Variants in MACROD2 observed in about 807,000 individuals in gnomAD.
The protein encoded by MACROD2 is mono-ADP ribosylhydrolase 2.
In MACROD2, 36 loss-of-function variants were observed where a neutral mutation model predicts 70.4. The observed-to-expected ratio is 0.51, with a 90% CI of 0.39 to 0.68. The LOEUF is 0.68. Ranked by LOEUF, MACROD2 falls within the 30% of genes least tolerant of loss-of-function variation. The pLI is 0.00. For synonymous variants in MACROD2, 172 were observed against 178.8 expected (o/e 0.96, Z 0.30); for missense variants, 496 against 538.4 (o/e 0.92, Z 0.78).
At position 15,244,760 on chromosome 20, in the gene MACROD2, A is replaced by T. The variant is rs185172719; in HGVS notation, c.540+14699A>T. Among the ~76,000 whole-genome samples, 13 of 152,352 alleles carry T rather than the reference A, an allele frequency of 8.5e-5. No individual in the cohort carries two copies. The East Asian group carries it at 2.3e-3, about 27-fold the overall frequency. On this transcript the variant is annotated intron_variant, in intron 6 of 17. Coordinates refer to ENST00000684519, the MANE Select transcript of MACROD2 (RefSeq NM_001351661.2). ...CCCTAGTACAACATTTTTTTAAATT[A>T]TGGGTAATTAAAAACTTCCATATTT... is the stretch of plus-strand genomic sequence containing the variant.
intron 6 of MACROD2, among the ~76,000 whole-genome samples, chr20:15,342,299 A>G (rs2078118706): frequency 6.6e-6 from 1 of 152,214 alleles, no homozygotes; most frequent in African/African-American, 2.4e-5. Context: ...TAGAGCAGGC[A>G]TTGTTAATTT....
chr20:14,132,799 T>G (rs2054735041), intron 3 of MACROD2, among the ~76,000 whole-genome samples: 1 of 152,080 alleles, frequency 6.6e-6, no homozygotes, highest in African/African-American at 2.4e-5. Flanking sequence ...CCACTGTGCC[T>G]GGCTAATTAT....
intron 5 of MACROD2, among the ~76,000 whole-genome samples, chr20:14,976,582 A>G (rs2074741699): frequency 6.6e-6 from 1 of 152,166 alleles, no homozygotes; most frequent in South Asian, 2.1e-4. Context: ...ATAAGGTGAC[A>G]TTCACAGAGT....
intron 8 of MACROD2, among the ~76,000 whole-genome samples, chr20:15,629,267 C>T (rs2049252696): frequency 6.6e-6 from 1 of 152,214 alleles, no homozygotes; most frequent in Non-Finnish European, 1.5e-5. Context: ...CTGTTAATAT[C>T]AGACCTTGTT....
At chr20:15,037,831 A>G (rs1479594492) in intron 5 of MACROD2, among the ~76,000 whole-genome samples, 2 of 152,178 alleles carry the variant, frequency 1.3e-5, no homozygotes, top group Admixed American at 6.5e-5. Flanking sequence ...TAAATGAATT[A>G]CAATTAGACA....
At chr20:15,507,435 C>T (rs939851039) in intron 8 of MACROD2, among the ~76,000 whole-genome samples, 10 of 148,786 alleles carry the variant, frequency 6.7e-5, no homozygotes, top group Non-Finnish European at 1.5e-4. Context: ...TTCCTTTCTT[C>T]CTTCCTTTCT....
chr20:15,801,200 A>AGAAAG (rs1555781104), intron 8 of MACROD2, among the ~76,000 whole-genome samples: 10 of 137,880 alleles, frequency 7.3e-5, no homozygotes, highest in African/African-American at 2.0e-4. Context: ...AAAAAAAAAA[A>AGAAAG]AAAACGAAAA....
intron 3 of MACROD2, among the ~76,000 whole-genome samples, chr20:14,448,560 C>T (rs893571194): frequency 2.6e-5 from 4 of 151,762 alleles, no homozygotes; most frequent in Admixed American, 6.6e-5. Flanking sequence ...GCCTGTAATC[C>T]CAGCTACTCA....
At chr20:14,043,833 C>T (rs1335842935) in intron 2 of MACROD2, among the ~76,000 whole-genome samples, 2 of 152,024 alleles carry the variant, frequency 1.3e-5, no homozygotes, top group Non-Finnish European at 2.9e-5. Flanking sequence ...GAGACATTAC[C>T]TTCTGAGGCC....
chr20:14,124,352 A>G (rs1402021031), intron 3 of MACROD2, among the ~76,000 whole-genome samples: 1 of 152,194 alleles, frequency 6.6e-6, no homozygotes, highest in Non-Finnish European at 1.5e-5. Flanking sequence ...CATTAAGACC[A>G]GATATCCACT....
chr20:15,307,533 T>C (rs1226387254), intron 6 of MACROD2, among the ~76,000 whole-genome samples: 5 of 152,206 alleles, frequency 3.3e-5, no homozygotes, highest in Non-Finnish European at 7.3e-5. Context: ...AATGTCATTA[T>C]CATGTTATTT....
chr20:15,268,088 A>G (rs1471560796), intron 6 of MACROD2, among the ~76,000 whole-genome samples: 1 of 152,206 alleles, frequency 6.6e-6, no homozygotes, highest in Non-Finnish European at 1.5e-5. Flanking sequence ...AGTGAGTGAA[A>G]TCAGAATAAT....
chr20:15,284,099 GTTA>G (rs917062353), intron 6 of MACROD2, among the ~76,000 whole-genome samples: 89 of 152,134 alleles, frequency 5.9e-4, no homozygotes, highest in Admixed American at 1.4e-3. Flanking sequence ...GATATAATAA[GTTA>G]TTATTCATTT....
At position 15,339,908 on chromosome 20, in the gene MACROD2, T is replaced by C. The variant is rs139737774; in HGVS notation, c.541-91497T>C. 8.8e-4 allele frequency among the ~76,000 whole-genome samples: 133 copies of C among 151,758 alleles called. 1 individual carries two copies. The highest frequency in any genetic ancestry group is 3.4e-3 in the Middle Eastern group (1 of 294). ...CATTGCAATGTAGTTTTAATAATGCTGCAGTGAGTGGATTATTGACCAACA... is the reference window on the plus strand; with the variant it reads ...CATTGCAATGTAGTTTTAATAATGCCGCAGTGAGTGGATTATTGACCAACA... On this transcript the variant is annotated intron_variant, in intron 6 of 17. Transcript: ENST00000684519.
chr20:15,047,451 A>G (rs953225358), intron 5 of MACROD2, among the ~76,000 whole-genome samples: 1 of 152,214 alleles, frequency 6.6e-6, no homozygotes, highest in Non-Finnish European at 1.5e-5. Flanking sequence ...ATGGAATTAT[A>G]TAAGATAAAA....
intron 3 of MACROD2, among the ~76,000 whole-genome samples, chr20:14,228,696 A>G (rs1475940277): frequency 2.6e-5 from 4 of 152,178 alleles, no homozygotes; most frequent in Non-Finnish European, 5.9e-5. Context: ...CTTAAATAAA[A>G]ATTGTCACAG....
chr20:16,006,146 T>C (rs1342679325), intron 15 of MACROD2, among the ~76,000 whole-genome samples: 1 of 152,202 alleles, frequency 6.6e-6, no homozygotes, highest in Non-Finnish European at 1.5e-5. Context: ...CCTCCTTCTT[T>C]AGGCACTTTA....
At chr20:16,038,197 G>T in intron 15 of MACROD2, among the ~76,000 whole-genome samples, 1 of 151,372 alleles carries the variant, frequency 6.6e-6, no homozygotes, top group Non-Finnish European at 1.5e-5. Context: ...TTGGTTTTCA[G>T]CAGTTTCACA....
intron 4 of MACROD2, chr20:14,566,430 C>T (rs1306663453): frequency 6.6e-6 from 1 of 151,450 alleles, no homozygotes; most frequent in Admixed American, 6.6e-5. Context: ...TAACAGGTCC[C>T]CACCTCAAAA....
Sources: gnomAD v4.1 joint callset for allele counts (sites outside exome capture counted in the v4.1 genomes callset) on GRCh38, gnomAD v4.1.1 for gene constraint, MANE v1.5 for transcripts, NCBI Gene and HGNC (gene_info 2026-07-23, HGNC 2026-07-21) for gene names.